CHKA: variants seen among roughly 807,000 people sequenced by gnomAD.
The protein encoded by CHKA is CHETK-alpha.
In CHKA, 34 loss-of-function variants were observed where a neutral mutation model predicts 60.1. That is an observed-to-expected ratio of 0.57 (90% CI 0.43 to 0.75). The LOEUF is 0.75. Among genes scored for constraint, CHKA ranks in the 30% least tolerant of loss-of-function variants. The pLI is 0.00. For synonymous variants in CHKA, 217 were observed against 223.1 expected (o/e 0.97, Z 0.24); for missense variants, 563 against 561.3 (o/e 1.00, Z -0.03).
intron 11 of CHKA, among the ~76,000 whole-genome samples, chr11:68,054,305 CCT>C (rs1201006889): frequency 1.3e-5 from 2 of 152,200 alleles, no homozygotes; most frequent in African/African-American, 2.4e-5. Context: ...CCCAGCCCTG[CCT>C]CTCAGGATGA....
intron 11 of CHKA, among the ~76,000 whole-genome samples, chr11:68,059,549 G>A (rs1246492383): frequency 6.6e-6 from 1 of 152,154 alleles, no homozygotes. Flanking sequence ...TAAGTTTCTA[G>A]ATACTGCTTT....
rs548005691 is a variant in CHKA, at chr11:68,056,500, A to C, written c.1315-2453T>G. On this transcript the variant is annotated intron_variant, in intron 11 of 11. Transcript: ENST00000265689. ...CACCTTTTTTGTCCAATCACATTTC[A>C]ACACGGTTGTCCACATTTCAATCAT... Among the ~76,000 whole-genome samples the C allele has an allele frequency of 3.5e-4, 54 of 152,324 alleles. 1 individual carries two copies. The highest frequency in any genetic ancestry group is 1.3e-3 in the African/African-American group (52 of 41,566).
intron 8 of CHKA, 55 bp downstream of exon 8, chr11:68,066,374 A>G: frequency 2.9e-6 from 4 of 1,365,476 alleles, no homozygotes; most frequent in Non-Finnish European, 4.2e-6. Context: ...TTAATTAAGC[A>G]TATCGTAATG....
chr11:68,070,827 A>C lies in CHKA; in HGVS notation c.661T>G (p.Leu221Val). The C allele has an allele frequency of 6.2e-7, 1 of 1,612,918 alleles. No individual in the cohort carries two copies. The highest frequency in any genetic ancestry group is 1.3e-5 in the African/African-American group (1 of 75,046). ...SRRLDTEELSLPDISAEIAEK... is the reference protein window; with the variant it reads ...SRRLDTEELSVPDISAEIAEK... ...GCGATTTCTGCAGAAATATCTGGCA[A>C]ACTTAATTCTTCAGTATCTAATCGC... The change falls in exon 5 of 12, where the codon TTG (leucine) becomes GTG (valine). Residue 221 changes from leucine to valine, a missense_variant. Transcript: ENST00000265689.
At chr11:68,112,694 T>G (rs578160594) in intron 1 of CHKA, among the ~76,000 whole-genome samples, 1 of 152,062 alleles carries the variant, frequency 6.6e-6, no homozygotes, top group East Asian at 1.9e-4. Context: ...AAGGAAAAAA[T>G]ATTTGCAAAA....
At chr11:68,108,470 C>T (rs769266714) in intron 1 of CHKA, among the ~76,000 whole-genome samples, 4 of 152,208 alleles carry the variant, frequency 2.6e-5, no homozygotes, top group African/African-American at 4.8e-5. Context: ...GGTGGCTGGG[C>T]GCAGAGGCTC....
intron 2 of CHKA, among the ~76,000 whole-genome samples, chr11:68,094,066 GC>G (rs376308652): frequency 2.6e-5 from 4 of 152,290 alleles, no homozygotes; most frequent in Non-Finnish European, 4.4e-5. Context: ...CATTTAAAAT[GC>G]TTCTTAAGTT....
chr11:68,107,207 G>A (rs1857946007), intron 1 of CHKA, among the ~76,000 whole-genome samples: 1 of 151,734 alleles, frequency 6.6e-6, no homozygotes, highest in Non-Finnish European at 1.5e-5. Context: ...AGTCAAGATT[G>A]AGCCACTGCA....
chr11:68,060,499 T>G (rs1008061536), intron 11 of CHKA, among the ~76,000 whole-genome samples: 2 of 151,720 alleles, frequency 1.3e-5, no homozygotes, highest in East Asian at 1.9e-4. Context: ...TTAGTAGAGA[T>G]AGAGTTTCAC....
intron 11 of CHKA, among the ~76,000 whole-genome samples, chr11:68,057,608 C>T (rs147695933): frequency 2.0e-5 from 3 of 152,146 alleles, no homozygotes; most frequent in Non-Finnish European, 2.9e-5. Flanking sequence ...CGTGAGCCAC[C>T]GCGACCAGTC....
intron 4 of CHKA, among the ~76,000 whole-genome samples, chr11:68,073,608 C>T (rs968638477): frequency 3.9e-5 from 6 of 152,302 alleles, no homozygotes; most frequent in African/African-American, 1.2e-4. Context: ...CTAGCACAGA[C>T]GGACAGTGCC....
intron 3 of CHKA, among the ~76,000 whole-genome samples, chr11:68,075,354 C>T (rs2457179): frequency 6.6e-6 from 1 of 151,430 alleles, no homozygotes; most frequent in African/African-American, 2.4e-5. Context: ...CCAAAGAGCA[C>T]CCTAGCATGG....
At chr11:68,089,239 C>G (rs990976119) in intron 2 of CHKA, among the ~76,000 whole-genome samples, 2 of 152,162 alleles carry the variant, frequency 1.3e-5, no homozygotes, top group African/African-American at 4.8e-5. Flanking sequence ...GCTGACCCAA[C>G]ACTCCTCAGA....
rs569149822 is a variant in CHKA at position 68,084,435 on chromosome 11, TAC to T, written c.463-2980_463-2979del. Among the ~76,000 whole-genome samples the T allele has an allele frequency of 6.3e-5, 8 of 127,262 alleles. No homozygotes were observed. The South Asian group carries it at 1.6e-3, about 25-fold the overall frequency. 83.5% of individuals were successfully genotyped at this position (127,262 alleles called of 152,430 possible). On this transcript the variant is annotated intron_variant, in intron 2 of 11. Transcript: ENST00000265689. The stretch of plus-strand genomic sequence containing the variant: ...GTGTATATATATATACACATATATA[TAC>T]GTATATATATGTGTGTATATATATA...
At chr11:68,070,604 C>G in intron 5 of CHKA, 120 bp downstream of exon 5, 3 of 1,056,642 alleles carry the variant, frequency 2.8e-6, no homozygotes, top group Admixed American at 4.7e-5. Context: ...CAGCTGACAC[C>G]CTGCACTTCA....
Position 68,082,649 on chromosome 11 carries a change from TAC to T in CHKA, c.463-1194_463-1193del, listed in dbSNP as rs1303137219. The T allele has an allele frequency of 2.0e-5, 3 of 152,668 alleles. No individual in the cohort carries two copies. The East Asian group carries it at 5.8e-4, about 29-fold the overall frequency. 9.5% of individuals were successfully genotyped at this position (152,668 alleles called of 1,614,324 possible). ...CATCCATCACACACTGAAATAACAT[TAC>T]AGACGTTTTAATGCATGTTTTGTAT... is the stretch of plus-strand genomic sequence containing the variant. On this transcript the variant is annotated intron_variant, in intron 2 of 11. Transcript: ENST00000265689.
At chr11:68,084,276 A>T (rs1381665732) in intron 2 of CHKA, among the ~76,000 whole-genome samples, 1 of 146,282 alleles carries the variant, frequency 6.8e-6, no homozygotes, top group Non-Finnish European at 1.5e-5. Flanking sequence ...ATATATACGT[A>T]TATATACACA....
At chr11:68,113,166 A>C (rs1375737615) in intron 1 of CHKA, among the ~76,000 whole-genome samples, 9 of 149,478 alleles carry the variant, frequency 6.0e-5, no homozygotes, top group Non-Finnish European at 3.0e-5. Flanking sequence ...AATGGGCAAG[A>C]AGCTCTGTGG....
chr11:68,071,113 C>T (rs1326136898), intron 4 of CHKA, among the ~76,000 whole-genome samples: 2 of 152,202 alleles, frequency 1.3e-5, no homozygotes, highest in Non-Finnish European at 2.9e-5. Context: ...AGAACTCCTT[C>T]CTTAAATTTT....
Sources: allele counts gnomAD v4.1 joint callset (sites outside exome capture counted in the v4.1 genomes callset), GRCh38; gene constraint gnomAD v4.1.1; transcripts MANE v1.5; gene names NCBI Gene and HGNC (gene_info 2026-07-23, HGNC 2026-07-21).